Variants in RBCK1 observed in about 807,000 individuals in gnomAD.
RBCK1 encodes ranBP-type and C3HC4-type zinc finger-containing protein 1.
Under a neutral mutation model 71.1 loss-of-function variants are expected in RBCK1, and 44 were observed. The observed-to-expected ratio is 0.62, with a 90% confidence interval of 0.49 to 0.80. The LOEUF (loss-of-function observed/expected upper bound fraction) is 0.80. Among genes scored for constraint, RBCK1 ranks in the 30% least tolerant of loss-of-function variants. The pLI, the probability that RBCK1 is intolerant of heterozygous loss-of-function variation, is 0.00. For missense variants in RBCK1, 569 were observed against 685.0 expected, an observed-to-expected ratio of 0.83 and a Z score of 1.89; for synonymous variants, 306 against 279.7, an observed-to-expected ratio of 1.09 and a Z score of -0.94.
chr20:431,276 CCT>C lies in RBCK1; in HGVS notation c.*850_*851del, dbSNP rs1305929995. Among the ~76,000 whole-genome samples, 2 of 152,116 alleles carry C rather than the reference CCT, an allele frequency of 1.3e-5. No individual in the cohort carries two copies. Among genetic ancestry groups the C allele is most frequent in the South Asian group, 2.1e-4 (1 of 4,832 alleles). ...TCTTGCCACTCCTGCTCCCTTTTGACCTCTCAGCAGGCATCTAGGGTTGGCAG... is the reference window on the plus strand; with the variant it reads ...TCTTGCCACTCCTGCTCCCTTTTGACCTCAGCAGGCATCTAGGGTTGGCAG... On this transcript the variant is annotated 3_prime_UTR_variant, in exon 12 of 12. Coordinates refer to ENST00000356286, the MANE Select transcript of RBCK1 (RefSeq NM_031229.4). This position sits in a 1 kb window ranked among gnomAD's most constrained non-coding sequence, Gnocchi z 4.8.
Position 430,514 on chromosome 20 carries a change from C to T in RBCK1, c.*84C>T, listed in dbSNP as rs951709105. On this transcript the variant is annotated 3_prime_UTR_variant, in exon 12 of 12. Coordinates refer to ENST00000356286, the MANE Select transcript of RBCK1 (RefSeq NM_031229.4). This position sits in a 1 kb window ranked among gnomAD's most constrained non-coding sequence, Gnocchi z 5.6. ...TAGCTCAGGGAGCTTCGTGGACGGCCTTGCTTGCTGTAGCGTTGTAGGGGC... is the reference window on the plus strand; with the variant it reads ...TAGCTCAGGGAGCTTCGTGGACGGCTTTGCTTGCTGTAGCGTTGTAGGGGC... 6 of 1,412,518 alleles carry T rather than the reference C, an allele frequency of 4.2e-6. No individual in the cohort carries two copies. In the African/African-American group the frequency reaches 5.7e-5, roughly 13 times the overall value. 87.5% of individuals were successfully genotyped at this position (1,412,518 alleles called of 1,614,324 possible). A position where few individuals can be genotyped will look rare whatever the true frequency, so the allele number is the denominator to read the frequency against.
chr20:427,591 T>G (rs906696258), intron 9 of RBCK1, 99 bp downstream of exon 9: 3 of 1,310,370 alleles, frequency 2.3e-6, no homozygotes, highest in East Asian at 2.3e-5. Flanking sequence ...GCTGTGACAC[T>G]GGCCTGCTGG....
Position 417,643 on chromosome 20 carries a change from C to T in RBCK1, c.261+24C>T. On this transcript the variant is annotated intron_variant, in intron 3 of 11. Coordinates refer to ENST00000356286, the MANE Select transcript of RBCK1 (RefSeq NM_031229.4). The surrounding 1 kb of genome is among the most constrained non-coding windows in gnomAD (Gnocchi z 4.7). Reference sequence around the variant, plus strand: ...TGGTGAGTGAGGAGGCGGAGGGCGACACTGGGGTGAAGGCTCTCCCTTTCA... The same window carrying T: ...TGGTGAGTGAGGAGGCGGAGGGCGATACTGGGGTGAAGGCTCTCCCTTTCA... 1.2e-6 allele frequency: 2 copies of T among 1,609,906 alleles called. No individual in the cohort carries two copies. The highest frequency in any genetic ancestry group is 1.7e-6 in the Non-Finnish European group (2 of 1,176,550).
In RBCK1 at chr20:409,905, C is replaced by T. The variant is rs756665763; in HGVS notation, c.47C>T (p.Thr16Ile). Residue 16 changes from threonine to isoleucine, a missense_variant, in exon 2 of 12, where the codon ACC becomes ATC. Transcript: ENST00000356286. ...KKAEEMALSLTRAVAGGDEQV... is the reference protein window; with the variant it reads ...KKAEEMALSLIRAVAGGDEQV... ...GCAGAGGAAATGGCCCTGAGCCTCACCCGAGCAGTGGCGGGCGGGGATGAA... is the reference window on the plus strand; with the variant it reads ...GCAGAGGAAATGGCCCTGAGCCTCATCCGAGCAGTGGCGGGCGGGGATGAA... 2.5e-6 allele frequency: 4 copies of T among 1,614,084 alleles called. No individual in the cohort carries two copies. The Admixed American group carries it at 5.0e-5, about 20-fold the overall frequency.
chr20:425,708 C>A (rs905151202), intron 8 of RBCK1, among the ~76,000 whole-genome samples: 7 of 149,618 alleles, frequency 4.7e-5, no homozygotes, highest in African/African-American at 1.7e-4. Context: ...CTCACTGCAA[C>A]CTCCACCTCC....
chr20:429,135 T>C (rs1442887402), intron 11 of RBCK1, 41 bp downstream of exon 11: 3 of 1,580,298 alleles, frequency 1.9e-6, no homozygotes, highest in Non-Finnish European at 2.6e-6. Context: ...GGTGCCCTTG[T>C]GGGCTTTGCC....
chr20:430,394 G>T lies in RBCK1; in HGVS notation c.1497G>T (p.Gly499=). The part of the protein sequence containing the change: ...TSGGCRCRVN[G]IPCHPSCQNC... ...GGGGCTGCCGCTGCAGGGTAAATGG[G>T]ATTCCTTGCCACCCAAGCTGTCAGA... Residue 499 remains glycine (G), a synonymous_variant, in exon 12 of 12, where the codon GGG becomes GGT. Transcript: ENST00000356286. The surrounding 1 kb of genome is among the most constrained non-coding windows in gnomAD (Gnocchi z 5.6). 1.2e-6 allele frequency: 2 copies of T among 1,613,770 alleles called. No homozygotes were observed. The highest frequency in any genetic ancestry group is 1.7e-6 in the Non-Finnish European group (2 of 1,179,674).
chr20:426,696 G>C (rs944079832), intron 8 of RBCK1, among the ~76,000 whole-genome samples: 2 of 151,152 alleles, frequency 1.3e-5, no homozygotes, highest in Non-Finnish European at 2.9e-5. Context: ...CCAGTTTTTA[G>C]TATACAGTTC....
rs1426788361 is a variant in RBCK1 at position 413,913 on chromosome 20, TCAC to T, written c.168-3610_168-3608del. Among the ~76,000 whole-genome samples, 8 of 81,448 alleles carry T rather than the reference TCAC, an allele frequency of 9.8e-5. No homozygotes were observed. In the Admixed American group the frequency reaches 9.9e-4, roughly 10 times the overall value. 53.4% of individuals were successfully genotyped at this position (81,448 alleles called of 152,430 possible). On this transcript the variant is annotated intron_variant, in intron 2 of 11. Coordinates refer to ENST00000356286, the MANE Select transcript of RBCK1 (RefSeq NM_031229.4). ...TTGCTTTAAAAAGATAAGAGACAAA[TCAC>T]CAAAAAAAAAAAAAAAAAAGATTAA...
Position 408,302 on chromosome 20 carries a change from T to G in RBCK1, c.-456T>G. 5.6e-6 allele frequency: 1 copy of G among 179,138 alleles called. No homozygotes were observed. Among genetic ancestry groups the G allele is most frequent in the Non-Finnish European group, 1.2e-5 (1 of 84,346 alleles). 11.1% of individuals were successfully genotyped at this position (179,138 alleles called of 1,614,324 possible). On this transcript the variant is annotated 5_prime_UTR_variant, in exon 1 of 12. Coordinates refer to ENST00000356286, the MANE Select transcript of RBCK1 (RefSeq NM_031229.4). ...CCGCCCCACTTCCGGGGCCGCCACT[T>G]TCACTTTCTCTTCCGCCGAAGCCGC... is the stretch of plus-strand genomic sequence containing the variant.
chr20:414,890 G>C (rs1031705290), intron 2 of RBCK1, among the ~76,000 whole-genome samples: 4 of 151,922 alleles, frequency 2.6e-5, no homozygotes, highest in African/African-American at 9.7e-5. Context: ...AACTTTTCAC[G>C]TGGAAAATGT....
chr20:421,865 G>T (rs1261913031), intron 7 of RBCK1: 3 of 483,342 alleles, frequency 6.2e-6, no homozygotes, highest in Non-Finnish European at 7.5e-6. Flanking sequence ...TGGATGCAGG[G>T]AGCCCAGCGA....
intron 2 of RBCK1, chr20:410,866 T>TTTTA (rs749797934): frequency 6.2e-5 from 18 of 292,016 alleles, no homozygotes; most frequent in Non-Finnish European, 1.1e-4. Flanking sequence ...CTTAAAACAG[T>TTTTA]TTTATTTATT....
At chr20:420,847 C>T (rs751384381) in intron 6 of RBCK1, 24 bp from the exon 7 acceptor site, 4 of 1,542,718 alleles carry the variant, frequency 2.6e-6, no homozygotes, top group Non-Finnish European at 3.5e-6. Flanking sequence ...TGACCCGCCC[C>T]GTGGCCCCGC....
chr20:408,551 C>T lies in RBCK1; in HGVS notation c.-207C>T. The T allele has an allele frequency of 1.5e-6, 1 of 650,066 alleles. No individual in the cohort carries two copies. The highest frequency in any genetic ancestry group is 2.7e-6 in the Non-Finnish European group (1 of 369,670). 40.3% of individuals were successfully genotyped at this position (650,066 alleles called of 1,614,324 possible). A position where few individuals can be genotyped will look rare whatever the true frequency, so the allele number is the denominator to read the frequency against. ...GGCGCCCGCTGCCCTCTCACCGCCC[C>T]ACGCAGGATCCCGGCCTGGTCACCG... On this transcript the variant is annotated 5_prime_UTR_variant, in exon 1 of 12. Transcript: ENST00000356286.
At position 432,108 on chromosome 20, in the gene RBCK1, T is replaced by C. The variant is rs2017031285; in HGVS notation, c.*1678T>C. ...TAAATTGGCAACATCGTTTACCACA[T>C]TAAAATCTAGATGCCCTGCTTCTCT... On this transcript the variant is annotated 3_prime_UTR_variant, in exon 12 of 12. Coordinates refer to ENST00000356286, the MANE Select transcript of RBCK1 (RefSeq NM_031229.4). This position sits in a 1 kb window ranked among gnomAD's most constrained non-coding sequence, Gnocchi z 4.3. Among the ~76,000 whole-genome samples, 1 of 152,196 alleles carries C rather than the reference T, an allele frequency of 6.6e-6. No individual in the cohort carries two copies. Among genetic ancestry groups the C allele is most frequent in the East Asian group, 1.9e-4 (1 of 5,196 alleles).
chr20:414,620 T>C (rs2015889056), intron 2 of RBCK1, among the ~76,000 whole-genome samples: 1 of 152,240 alleles, frequency 6.6e-6, no homozygotes. Flanking sequence ...AAAATTTTGT[T>C]TTCTAACATA....
At chr20:425,158 A>G (rs58002794) in intron 8 of RBCK1, among the ~76,000 whole-genome samples, 1 of 152,058 alleles carries the variant, frequency 6.6e-6, no homozygotes, top group African/African-American at 2.4e-5. Context: ...CTAGAGGCGC[A>G]CACCGCCATG....
intron 2 of RBCK1, among the ~76,000 whole-genome samples, chr20:413,181 A>C (rs1364632754): frequency 1.3e-5 from 2 of 152,188 alleles, no homozygotes. Context: ...ACTAATTACT[A>C]TAGCTTCATA....
Sources: gnomAD v4.1 joint callset for allele counts (sites outside exome capture counted in the v4.1 genomes callset) on GRCh38, gnomAD v4.1.1 for gene constraint, Gnocchi (gnomAD v3.1) non-coding constraint, MANE v1.5 for transcripts, NCBI Gene and HGNC (gene_info 2026-07-23, HGNC 2026-07-21) for gene names.